The following AKT3 variants were observed in gnomAD, a reference collection of about 807,000 sequenced individuals.
AKT3 encodes the protein RAC-gamma serine/threonine-protein kinase.
In AKT3, 15 loss-of-function variants were observed where a neutral mutation model predicts 65.3. That is an observed-to-expected ratio of 0.23 (90% CI 0.15 to 0.35). The LOEUF (loss-of-function observed/expected upper bound fraction) is 0.35. Among genes scored for constraint, AKT3 ranks in the 10% least tolerant of loss-of-function variants. The pLI is 1.00. For synonymous variants in AKT3, 206 were observed against 183.8 expected, an observed-to-expected ratio of 1.12 and a Z score of -0.98; for missense variants, 243 against 576.5, an observed-to-expected ratio of 0.42 and a Z score of 5.92.
At chr1:243,729,355 G>A (rs1056094690) in intron 2 of AKT3, among the ~76,000 whole-genome samples, 2 of 152,080 alleles carry the variant, frequency 1.3e-5, no homozygotes, top group African/African-American at 4.8e-5. Flanking sequence ...GAGAGGTAAT[G>A]ATTTGAGATT....
chr1:243,687,404 C>G (rs1684397599), intron 3 of AKT3: 1 of 152,046 alleles, frequency 6.6e-6, no homozygotes, highest in South Asian at 2.1e-4. Flanking sequence ...CTGATCAGAT[C>G]ACCTGTAGTG....
chr1:243,819,112 G>A (rs1297875790), intron 2 of AKT3, among the ~76,000 whole-genome samples: 2 of 152,242 alleles, frequency 1.3e-5, no homozygotes, highest in East Asian at 3.9e-4. Flanking sequence ...CACTCAACTG[G>A]AGAATGCCTA....
chr1:243,539,547 C>T (rs935337165), intron 12 of AKT3, among the ~76,000 whole-genome samples: 1 of 152,016 alleles, frequency 6.6e-6, no homozygotes, highest in African/African-American at 2.4e-5. Flanking sequence ...TAGATTCTTT[C>T]AAGTGTATAT....
chr1:243,506,194 T>C lies in AKT3; in HGVS notation c.1355-860A>G, dbSNP rs1041028130. Among the ~76,000 whole-genome samples the C allele has an allele frequency of 2.6e-5, 4 of 152,238 alleles. No individual in the cohort carries two copies. In the South Asian group the frequency reaches 8.3e-4, roughly 32 times the overall value. On this transcript the variant is annotated intron_variant, in intron 13 of 13. Transcript: ENST00000673466. ...CGTCAGGCCCAAGGACCGCAGAACTTTGAACAAAGTCCCAAGGGCCCCCTG... is the reference window on the plus strand; with the variant it reads ...CGTCAGGCCCAAGGACCGCAGAACTCTGAACAAAGTCCCAAGGGCCCCCTG...
intron 2 of AKT3, among the ~76,000 whole-genome samples, chr1:243,827,423 C>T (rs1270329172): frequency 6.6e-6 from 1 of 151,762 alleles, no homozygotes; most frequent in African/African-American, 2.4e-5. Context: ...ATTAAGATAC[C>T]CTCTGCCCTT....
chr1:243,788,379 A>T lies in AKT3; in HGVS notation c.46+54746T>A, dbSNP rs533108543. On this transcript the variant is annotated intron_variant, in intron 2 of 13. Coordinates refer to ENST00000673466, the MANE Select transcript of AKT3 (RefSeq NM_005465.7). ...ATTATAACAACTCTATATACATTTC[A>T]TAGAATTTCCACTATAAATTCATTA... is the stretch of plus-strand genomic sequence containing the variant. Among the ~76,000 whole-genome samples, 137 of 152,348 alleles carry T rather than the reference A, an allele frequency of 9.0e-4. 1 individual carries two copies. Among genetic ancestry groups the T allele is most frequent in the African/African-American group, 3.1e-3 (127 of 41,582 alleles).
chr1:243,692,137 G>GCAT (rs1436387500), intron 3 of AKT3, among the ~76,000 whole-genome samples: 1 of 152,128 alleles, frequency 6.6e-6, no homozygotes, highest in Non-Finnish European at 1.5e-5. Context: ...TAGCACCTTA[G>GCAT]CATTTGAGAA....
rs1463674867 is a variant in AKT3 at position 243,654,402 on chromosome 1, C to A, written c.285-8365G>T. Among the ~76,000 whole-genome samples, 5 of 152,112 alleles carry A rather than the reference C, an allele frequency of 3.3e-5. No individual in the cohort carries two copies. In the East Asian group the frequency reaches 7.7e-4, roughly 23 times the overall value. On this transcript the variant is annotated intron_variant, in intron 4 of 13. Coordinates refer to ENST00000673466, the MANE Select transcript of AKT3 (RefSeq NM_005465.7). ...GTTTTTCATTCCATTCTGTACTTATCCTCCTGAGATTATTCTTATTGTGTC... is the reference window on the plus strand; with the variant it reads ...GTTTTTCATTCCATTCTGTACTTATACTCCTGAGATTATTCTTATTGTGTC...
intron 12 of AKT3, among the ~76,000 whole-genome samples, chr1:243,543,477 C>T (rs1015850355): frequency 2.6e-5 from 4 of 151,978 alleles, no homozygotes; most frequent in African/African-American, 9.7e-5. Context: ...TGGAGTAAGT[C>T]CTCCTAGAAG....
At chr1:243,739,866 G>A (rs1412110991) in intron 2 of AKT3, among the ~76,000 whole-genome samples, 6 of 152,180 alleles carry the variant, frequency 3.9e-5, no homozygotes, top group African/African-American at 1.4e-4. Context: ...TAGTCCCTCA[G>A]GTTTCAAATT....
intron 4 of AKT3, among the ~76,000 whole-genome samples, chr1:243,646,847 A>C (rs1680859313): frequency 6.6e-6 from 1 of 152,208 alleles, no homozygotes; most frequent in Non-Finnish European, 1.5e-5. Context: ...AAAAATTAAA[A>C]AAAAGGATAC....
intron 1 of AKT3, among the ~76,000 whole-genome samples, chr1:243,847,670 A>G (rs1695576965): frequency 6.6e-6 from 1 of 152,154 alleles, no homozygotes; most frequent in Non-Finnish European, 1.5e-5. Context: ...TTTAATCAAC[A>G]CGTTTATTTA....
At chr1:243,554,541 T>A (rs1673285630) in intron 10 of AKT3, among the ~76,000 whole-genome samples, 1 of 152,210 alleles carries the variant, frequency 6.6e-6, no homozygotes, top group African/African-American at 2.4e-5. Flanking sequence ...TTCTACTTCA[T>A]ATTTACGTTA....
rs956385240 is a variant in AKT3 at position 243,620,431 on chromosome 1, A to G, written c.562-5270T>C. On this transcript the variant is annotated intron_variant, in intron 6 of 13. Coordinates refer to ENST00000673466, the MANE Select transcript of AKT3 (RefSeq NM_005465.7). ...ATTTGCATTTCCCTGATGAGTAGTG[A>G]TATGACACACTTTTACAAATTAAAC... Among the ~76,000 whole-genome samples the G allele has an allele frequency of 6.0e-5, 9 of 149,864 alleles. 3 individuals carry two copies. The highest frequency in any genetic ancestry group is 1.3e-4 in the Non-Finnish European group (9 of 67,076).
intron 8 of AKT3, among the ~76,000 whole-genome samples, chr1:243,599,733 T>C (rs1676877262): frequency 6.6e-6 from 1 of 152,150 alleles, no homozygotes; most frequent in African/African-American, 2.4e-5. Flanking sequence ...ACATGGTTAA[T>C]GGTGACAGTA....
chr1:243,837,731 G>A (rs1048683269), intron 2 of AKT3, among the ~76,000 whole-genome samples: 2 of 152,214 alleles, frequency 1.3e-5, no homozygotes, highest in East Asian at 3.9e-4. Flanking sequence ...GAATAGTAGG[G>A]AATTTTTTCA....
chr1:243,651,370 T>C (rs769177624), intron 4 of AKT3, among the ~76,000 whole-genome samples: 2 of 152,174 alleles, frequency 1.3e-5, no homozygotes, highest in East Asian at 1.9e-4. Context: ...CTCTTCCTAT[T>C]TGAATATCCT....
chr1:243,590,814 A>G (rs1471332817), intron 8 of AKT3, among the ~76,000 whole-genome samples: 2 of 152,176 alleles, frequency 1.3e-5, no homozygotes, highest in Non-Finnish European at 2.9e-5. Context: ...GTGTAATATA[A>G]ATTACTGAAA....
chr1:243,573,176 GCACTCTT>G, intron 8 of AKT3, 128 bp from the exon 9 acceptor site: 2 of 1,117,454 alleles, frequency 1.8e-6, no homozygotes, highest in Non-Finnish European at 2.5e-6. Context: ...TGGACACTGA[GCACTCTT>G]AGACAGCAGC....
Sources: gnomAD v4.1 joint callset for allele counts (sites outside exome capture counted in the v4.1 genomes callset) on GRCh38, gnomAD v4.1.1 for gene constraint, MANE v1.5 for transcripts, NCBI Gene and HGNC (gene_info 2026-07-23, HGNC 2026-07-21) for gene names.